Variants in CREB3L1 observed in about 807,000 individuals in gnomAD.
CREB3L1 encodes the protein cAMP responsive element binding protein 3 like 1, also known as cyclic AMP-responsive element-binding protein 3-like protein 1.
A neutral mutation model predicts 54.5 loss-of-function variants in CREB3L1; 33 were observed. The ratio of observed to expected loss-of-function variants is 0.61; its 90% CI spans 0.46 to 0.81. CREB3L1 has a LOEUF of 0.81. CREB3L1 is among the 30% of genes least tolerant of loss of function. The pLI is 0.00. For synonymous variants in CREB3L1, 284 were observed against 286.4 expected (o/e 0.99, Z 0.08); for missense variants, 656 against 673.3 (o/e 0.97, Z 0.29).
At chr11:46,318,583 G>A (rs1462735653) in intron 10 of CREB3L1, among the ~76,000 whole-genome samples, 2 of 152,356 alleles carry the variant, frequency 1.3e-5, no homozygotes, top group East Asian at 1.9e-4. Context: ...TCACGGAGGA[G>A]AGAATAGCTA....
At chr11:46,317,139 C>T (rs111488419) in intron 9 of CREB3L1, among the ~76,000 whole-genome samples, 1 of 152,334 alleles carries the variant, frequency 6.6e-6, no homozygotes, top group African/African-American at 2.4e-5. Flanking sequence ...CTGCCTGTGG[C>T]GACCCCCCTA....
Position 46,311,166 on chromosome 11 carries a change from T to C in CREB3L1, c.730T>C (p.Ser244Pro), listed in dbSNP as rs757791649. ...MARSSTAIST[S>P]PLLTAPHKLQ... ...GCGCTCCTCCACGGCCATCTCCACC[T>C]CCCCACTCCTCACTGCCCCTCACGT... The change falls in exon 5 of 12, where the codon TCC becomes CCC. Residue 244 changes from serine (S) to proline (P), a missense_variant. Physicochemically the swap from Ser to Pro is moderately conservative, Grantham distance 74. Coordinates refer to ENST00000621158, the MANE Select transcript of CREB3L1 (RefSeq NM_052854.4). The C allele has an allele frequency of 1.3e-6, 2 of 1,594,738 alleles. No individual in the cohort carries two copies. Among genetic ancestry groups the C allele is most frequent in the African/African-American group, 2.7e-5 (2 of 74,650 alleles).
intron 1 of CREB3L1, among the ~76,000 whole-genome samples, chr11:46,298,934 C>T (rs1275793517): frequency 6.6e-6 from 1 of 152,072 alleles, no homozygotes. Context: ...TTAATATTAC[C>T]AGCTGTACAG....
At chr11:46,287,330 A>C (rs1203543188) in intron 1 of CREB3L1, among the ~76,000 whole-genome samples, 1 of 151,952 alleles carries the variant, frequency 6.6e-6, no homozygotes, top group African/African-American at 2.4e-5. Flanking sequence ...ACAGGGTCTC[A>C]CTCTGTTGCC....
At chr11:46,305,716 G>A (rs1490190539) in intron 2 of CREB3L1, among the ~76,000 whole-genome samples, 2 of 119,108 alleles carry the variant, frequency 1.7e-5, no homozygotes, top group African/African-American at 7.8e-5. Flanking sequence ...GTGTGTGTGT[G>A]TGTGTGTGTG....
intron 1 of CREB3L1, among the ~76,000 whole-genome samples, chr11:46,284,598 G>A (rs1283509434): frequency 1.3e-5 from 2 of 151,036 alleles, no homozygotes; most frequent in African/African-American, 2.4e-5. Flanking sequence ...AGATTGCAGT[G>A]AGCCAAGATC....
intron 1 of CREB3L1, among the ~76,000 whole-genome samples, chr11:46,291,812 C>T (rs959271676): frequency 3.3e-5 from 5 of 152,124 alleles, no homozygotes; most frequent in Non-Finnish European, 5.9e-5. Context: ...CCCAGGGGTC[C>T]CACACCTTCC....
intron 1 of CREB3L1, among the ~76,000 whole-genome samples, chr11:46,279,084 C>T (rs183753134): frequency 5.9e-4 from 90 of 152,266 alleles, no homozygotes; most frequent in Non-Finnish European, 1.1e-3. Flanking sequence ...GAAGGGCCTG[C>T]CCAGATGAAA....
chr11:46,290,357 A>G (rs1263705515), intron 1 of CREB3L1, among the ~76,000 whole-genome samples: 2 of 148,226 alleles, frequency 1.3e-5, no homozygotes, highest in Non-Finnish European at 3.0e-5. Context: ...GAGGGTCTGA[A>G]CCCTCCTCCT....
chr11:46,313,176 G>T (rs1939516938), intron 8 of CREB3L1, among the ~76,000 whole-genome samples: 1 of 152,172 alleles, frequency 6.6e-6, no homozygotes, highest in Non-Finnish European at 1.5e-5. Context: ...CCTCAGACCA[G>T]CAACAATCCC....
intron 7 of CREB3L1, 31 bp downstream of exon 7, chr11:46,312,701 C>T (rs764016393): frequency 7.5e-6 from 12 of 1,592,604 alleles, no homozygotes; most frequent in Non-Finnish European, 1.0e-5. Context: ...GGGCAATCCA[C>T]TCCCTTGCCT....
intron 2 of CREB3L1, among the ~76,000 whole-genome samples, chr11:46,305,337 G>T (rs1939364024): frequency 6.6e-6 from 1 of 151,642 alleles, no homozygotes; most frequent in South Asian, 2.1e-4. Flanking sequence ...ACCTCTCACT[G>T]CTCCCCACCG....
At chr11:46,291,491 A>G (rs1216139918) in intron 1 of CREB3L1, among the ~76,000 whole-genome samples, 1 of 152,180 alleles carries the variant, frequency 6.6e-6, no homozygotes, top group Non-Finnish European at 1.5e-5. Flanking sequence ...CCAGGATTAG[A>G]ACCAGGTCCG....
At chr11:46,312,555 G>T (rs764507266) in intron 6 of CREB3L1, 57 bp from the exon 7 acceptor site, 2 of 1,607,186 alleles carry the variant, frequency 1.2e-6, no homozygotes, top group South Asian at 1.1e-5. Flanking sequence ...AAATTGGGGG[G>T]CCCAGGAAGT....
chr11:46,317,584 T>C, intron 10 of CREB3L1, 97 bp downstream of exon 10: 4 of 1,472,508 alleles, frequency 2.7e-6, no homozygotes, highest in Non-Finnish European at 3.7e-6. Flanking sequence ...AGAAGCCAAG[T>C]GTGGGGTCAG....
At chr11:46,293,515 A>G (rs986595620) in intron 1 of CREB3L1, among the ~76,000 whole-genome samples, 1 of 152,226 alleles carries the variant, frequency 6.6e-6, no homozygotes, top group African/African-American at 2.4e-5. Context: ...AGGGGGCTGC[A>G]GAGAATACAC....
At chr11:46,306,571 A>G (rs1052194795) in intron 2 of CREB3L1, among the ~76,000 whole-genome samples, 9 of 151,794 alleles carry the variant, frequency 5.9e-5, no homozygotes, top group African/African-American at 1.9e-4. Context: ...GCTTTAGGAT[A>G]AAGTCACATC....
chr11:46,301,169 CAA>C (rs774422040), intron 2 of CREB3L1, among the ~76,000 whole-genome samples: 3 of 130,754 alleles, frequency 2.3e-5, no homozygotes, highest in Admixed American at 7.8e-5. Flanking sequence ...AACTCCGTCT[CAA>C]AAAAAAAAAA....
rs1939649790 is a variant in CREB3L1 at position 46,321,346 on chromosome 11, A to G, written c.*600A>G. The G allele has an allele frequency of 4.2e-6, 1 of 235,828 alleles. No homozygotes were observed. The highest frequency in any genetic ancestry group is 1.3e-4 in the South Asian group (1 of 7,758). The allele number at this position is 235,828 out of a possible 1,614,324, so 14.6% of individuals were successfully genotyped here. A position where few individuals can be genotyped will look rare whatever the true frequency, so the allele number is the denominator to read the frequency against. ...AGCCGCTGGGCCTTTTTAATTGCCA[A>G]ACTGCTCTCTTCATCAGCTCAGCAC... On this transcript the variant is annotated 3_prime_UTR_variant, in exon 12 of 12. Coordinates refer to ENST00000621158, the MANE Select transcript of CREB3L1 (RefSeq NM_052854.4).
Sources: gnomAD v4.1 joint callset for allele counts (sites outside exome capture counted in the v4.1 genomes callset) on GRCh38, gnomAD v4.1.1 for gene constraint, MANE v1.5 for transcripts, NCBI Gene and HGNC (gene_info 2026-07-23, HGNC 2026-07-21) for gene names.